The following MUC12 variants were observed in gnomAD, a reference collection of about 807,000 sequenced individuals.
MUC12 encodes the protein mucin-12.
MUC12 carries 172 observed loss-of-function variants against 230.8 expected under a neutral mutation model. The ratio of observed to expected loss-of-function variants is 0.75; its 90% CI spans 0.66 to 0.85. The LOEUF (loss-of-function observed/expected upper bound fraction) is 0.85. Ranked by LOEUF, MUC12 falls within the 40% of genes least tolerant of loss-of-function variation. MUC12 has a pLI of 0.00. For synonymous variants in MUC12, 1,259 were observed against 2,401.9 expected (o/e 0.52, Z 13.91); for missense variants, 3,506 against 5,920.6 (o/e 0.59, Z 13.38).
chr7:100,990,946 C>A lies in MUC12; in HGVS notation c.383C>A (p.Thr128Asn). The change falls in exon 2 of 12, where the codon ACC becomes AAC. Residue 128 changes from threonine to asparagine, a missense_variant. Physicochemically the swap from Thr to Asn is moderately conservative, Grantham distance 65. Coordinates refer to ENST00000536621, the MANE Select transcript of MUC12 (RefSeq NM_001164462.2). Reference protein sequence around the residue: ...SMETTALPGSTTTAGLSEKST... With the variant: ...SMETTALPGSNTTAGLSEKST... ...GAAACAACAGCGTTACCTGGCAGTA[C>A]CACAACAGCAGGCCTGAGTGAGAAA... The A allele has an allele frequency of 2.0e-6, 3 of 1,537,910 alleles. No individual in the cohort carries two copies. The highest frequency in any genetic ancestry group is 2.4e-5 in the East Asian group (1 of 40,926).
At chr7:101,011,206 G>A (rs1035592455) in intron 5 of MUC12, among the ~76,000 whole-genome samples, 2 of 152,134 alleles carry the variant, frequency 1.3e-5, no homozygotes, top group Non-Finnish European at 1.5e-5. Flanking sequence ...AGGGAAGAGA[G>A]GGTCCCGGTG....
Position 101,006,458 on chromosome 7 carries a change from T to C in MUC12, c.14957-13T>C. 3 of 1,523,982 alleles carry C rather than the reference T, an allele frequency of 2.0e-6. No homozygotes were observed. The highest frequency in any genetic ancestry group is 2.6e-6 in the Non-Finnish European group (3 of 1,134,810). 94.4% of individuals were successfully genotyped at this position (1,523,982 alleles called of 1,614,324 possible). A position where few individuals can be genotyped will look rare whatever the true frequency, so the allele number is the denominator to read the frequency against. ...CTCCCACGGTGACTGCTGTGGATTC[T>C]ATCTCTCCACAGGGTTGTGCCAGGA... On this transcript the variant is annotated splice_polypyrimidine_tract_variant and intron_variant, in intron 2 of 11. Transcript: ENST00000536621.
In MUC12 at chr7:100,991,716, G is replaced by T; in HGVS notation, c.1153G>T (p.Glu385Ter). ...ESSTTSGHSE[E>*]SATFHGSTTH... is the part of the protein sequence containing the mutation. ...CTCCACAACTTCAGGCCATAGTGAA[G>T]AATCAGCAACTTTCCACGGCAGCAC... The change falls in exon 2 of 12, where the codon GAA becomes TAA. Residue 385 changes from glutamate to a stop codon, truncating the protein, a stop_gained. Coordinates refer to ENST00000536621, the MANE Select transcript of MUC12 (RefSeq NM_001164462.2). LOFTEE classifies it high-confidence loss of function. 2.0e-6 allele frequency: 3 copies of T among 1,537,990 alleles called. No homozygotes were observed. Among genetic ancestry groups the T allele is most frequent in the Non-Finnish European group, 2.6e-6 (3 of 1,147,088 alleles).
Position 100,991,027 on chromosome 7 carries a change from G to T in MUC12, c.464G>T (p.Arg155Leu), listed in dbSNP as rs377755999. 2.0e-6 allele frequency: 3 copies of T among 1,537,632 alleles called. No homozygotes were observed. The highest frequency in any genetic ancestry group is 1.4e-5 in the African/African-American group (1 of 72,964). The change falls in exon 2 of 12, where the codon CGC (arginine) becomes CTC (leucine). Residue 155 changes from arginine to leucine, a missense_variant. Coordinates refer to ENST00000536621, the MANE Select transcript of MUC12 (RefSeq NM_001164462.2). ...CCAGACAGAACACTCTCACCTGCCCGCACGACAAGCTCAGGCGTCAGTGAA... is the reference window on the plus strand; with the variant it reads ...CCAGACAGAACACTCTCACCTGCCCTCACGACAAGCTCAGGCGTCAGTGAA... Reference protein sequence around the residue: ...RSPDRTLSPARTTSSGVSEKS... With the variant: ...RSPDRTLSPALTTSSGVSEKS...
Position 101,004,513 on chromosome 7 carries a change from C to G in MUC12, c.13950C>G (p.Ala4650=), listed in dbSNP as rs144551596. 6 of 1,535,582 alleles carry G rather than the reference C, an allele frequency of 3.9e-6. No individual in the cohort carries two copies. The highest frequency in any genetic ancestry group is 1.2e-5 in the South Asian group (1 of 83,904). The part of the protein sequence containing the change: ...TISSPPSTTS[A]LVEEPTSYHS... ...CTTCACCTCCTAGCACCACATCTGCCCTTGTTGAAGAACCTACCAGCTACC... is the reference window on the plus strand; with the variant it reads ...CTTCACCTCCTAGCACCACATCTGCGCTTGTTGAAGAACCTACCAGCTACC... Residue 4650 remains alanine, a synonymous_variant, in exon 2 of 12, where the codon GCC becomes GCG. Transcript: ENST00000536621.
Position 101,005,155 on chromosome 7 carries a change from G to A in MUC12, c.14592G>A (p.Ala4864=), listed in dbSNP as rs534156508. 1.5e-5 allele frequency: 23 copies of A among 1,537,906 alleles called. No individual in the cohort carries two copies. The African/African-American group carries it at 1.5e-4, about 10-fold the overall frequency. The change falls in exon 2 of 12, where the codon GCG becomes GCA. Residue 4864 remains alanine (A), a synonymous_variant. Transcript: ENST00000536621. ...YSSPGSTETT[A]FSHSNTMSIH... The stretch of plus-strand genomic sequence containing the variant: ...GCCCAGGCTCAACTGAAACCACAGC[G>A]TTTTCTCACAGCAACACAATGTCCA...
At position 100,990,997 on chromosome 7, in the gene MUC12, G is replaced by T; in HGVS notation, c.434G>T (p.Arg145Ile). The T allele has an allele frequency of 6.5e-7, 1 of 1,537,854 alleles. No individual in the cohort carries two copies. The highest frequency in any genetic ancestry group is 8.7e-7 in the Non-Finnish European group (1 of 1,147,040). Residue 145 changes from arginine (R) to isoleucine (I), a missense_variant, in exon 2 of 12, where the codon AGA becomes ATA. Transcript: ENST00000536621. The stretch of plus-strand genomic sequence containing the variant: ...TCTACCACCTTCTACAGTAGCCCCA[G>T]ATCACCAGACAGAACACTCTCACCT... ...EKSTTFYSSP[R>I]SPDRTLSPAR...
At chr7:101,012,153 G>T in intron 5 of MUC12, 143 bp from the exon 6 acceptor site, 1 of 812,232 alleles carries the variant, frequency 1.2e-6, no homozygotes, top group Non-Finnish European at 1.9e-6. Flanking sequence ...TGGGTGGTTA[G>T]CTGCTGGAGG....
At chr7:100,990,512 T>C in intron 1 of MUC12, 119 bp from the exon 2 acceptor site, 1 of 1,265,482 alleles carries the variant, frequency 7.9e-7, no homozygotes, top group Non-Finnish European at 1.1e-6. Context: ...AAACTTGAGT[T>C]TCAATACCAT....
chr7:101,009,201 C>T (rs954811958), intron 5 of MUC12, 42 bp downstream of exon 5: 3 of 1,514,628 alleles, frequency 2.0e-6, no homozygotes, highest in Non-Finnish European at 2.7e-6. Context: ...TGGGGAAATC[C>T]TCCTTGTCCC....
chr7:100,969,803 G>A (rs551509429), intron 1 of MUC12, 114 bp downstream of exon 1: 2 of 1,439,580 alleles, frequency 1.4e-6, no homozygotes, highest in East Asian at 2.5e-5. Context: ...CATGGCAAGG[G>A]GCTGCCACAG....
At position 101,004,933 on chromosome 7, in the gene MUC12, C is replaced by G. The variant is rs1161957356; in HGVS notation, c.14370C>G (p.Leu4790=). ...CTGCCAGCACCACCACCTCAGGCCT[C>G]AGTCAGGAATCAACAACTTTCCACA... The part of the protein sequence containing the change: ...AFPASTTTSG[L]SQESTTFHSK... Residue 4790 remains leucine, a synonymous_variant, in exon 2 of 12, where the codon CTC becomes CTG. Transcript: ENST00000536621. 10 of 1,537,816 alleles carry G rather than the reference C, an allele frequency of 6.5e-6. No individual in the cohort carries two copies. The highest frequency in any genetic ancestry group is 3.9e-5 in the Admixed American group (2 of 51,004).
intron 1 of MUC12, among the ~76,000 whole-genome samples, chr7:100,976,144 G>T (rs1793027810): frequency 3.4e-5 from 1 of 29,842 alleles, no homozygotes; most frequent in Non-Finnish European, 7.2e-5. Flanking sequence ...TGGGTGTGGT[G>T]GTGTGTCTCT....
chr7:100,979,565 A>G (rs913749812), intron 1 of MUC12, among the ~76,000 whole-genome samples: 1 of 152,176 alleles, frequency 6.6e-6, no homozygotes, highest in Non-Finnish European at 1.5e-5. Context: ...GCAGATCGCG[A>G]GGTCAAGAGA....
Position 101,018,747 on chromosome 7 carries a change from A to G in MUC12, c.*111A>G, listed in dbSNP as rs1794002097. The G allele has an allele frequency of 7.9e-6, 9 of 1,136,350 alleles. No homozygotes were observed. Among genetic ancestry groups the G allele is most frequent in the Non-Finnish European group, 1.1e-5 (9 of 818,546 alleles). The allele number at this position is 1,136,350 out of a possible 1,614,324, so 70.4% of individuals were successfully genotyped here. On this transcript the variant is annotated 3_prime_UTR_variant, in exon 12 of 12. Transcript: ENST00000536621. ...AGAGGAGACCGAAGTCAGGCCCTGA[A>G]GCCGGTCCTGCTCTGAGCTGACAGA...
intron 1 of MUC12, 47 bp from the exon 2 acceptor site, chr7:100,990,584 G>C: frequency 2.0e-6 from 3 of 1,534,592 alleles, no homozygotes; most frequent in Non-Finnish European, 2.6e-6. Flanking sequence ...AACATGAGGA[G>C]ACAGTCATAA....
Position 100,991,469 on chromosome 7 carries a change from T to C in MUC12, c.906T>C (p.Ser302=), listed in dbSNP as rs1289945467. ...CCACATCAGCCTTTGTTAAACTATC[T>C]ACAACTTATCACAGCAGCCCGAGCT... ...SGTTSAFVKL[S]TTYHSSPSST... The change falls in exon 2 of 12, where the codon TCT becomes TCC. Residue 302 remains serine, a synonymous_variant. Coordinates refer to ENST00000536621, the MANE Select transcript of MUC12 (RefSeq NM_001164462.2). 33 of 1,537,628 alleles carry C rather than the reference T, an allele frequency of 2.1e-5. No individual in the cohort carries two copies. In the East Asian group the frequency reaches 7.1e-4, roughly 33 times the overall value.
At chr7:100,973,171 G>A (rs1241261856) in intron 1 of MUC12, 4 of 617,678 alleles carry the variant, frequency 6.5e-6, no homozygotes, top group Non-Finnish European at 1.2e-5. Context: ...AGGCCATTGA[G>A]AGGCACCCAA....
At chr7:100,982,889 C>A (rs1463443264) in intron 1 of MUC12, among the ~76,000 whole-genome samples, 1 of 152,010 alleles carries the variant, frequency 6.6e-6, no homozygotes, top group Non-Finnish European at 1.5e-5. Flanking sequence ...GCATGTACCA[C>A]ACTGGGCTAA....
Sources: gnomAD v4.1 joint callset for allele counts (sites outside exome capture counted in the v4.1 genomes callset) on GRCh38, gnomAD v4.1.1 for gene constraint, MANE v1.5 for transcripts, NCBI Gene and HGNC (gene_info 2026-07-23, HGNC 2026-07-21) for gene names.